Variants in EYS observed in about 807,000 individuals in gnomAD.
The protein encoded by EYS is EGF-like photoreceptor maintenance factor.
A neutral mutation model predicts 282.1 loss-of-function variants in EYS; 250 were observed. The observed-to-expected ratio is 0.89, with a 90% CI of 0.80 to 0.98. The LOEUF (loss-of-function observed/expected upper bound fraction) is 0.98. EYS is among the 50% of genes least tolerant of loss of function. The probability of loss-of-function intolerance (pLI) is 0.00; values close to 1 mark genes in which losing one functional copy is unlikely to be tolerated. For synonymous variants in EYS, 1,355 were observed against 1,282.9 expected, an observed-to-expected ratio of 1.06 and a Z score of -1.20; for missense variants, 4,016 against 3,709.0, an observed-to-expected ratio of 1.08 and a Z score of -2.15.
intron 14 of EYS, among the ~76,000 whole-genome samples, chr6:64,972,738 A>G (rs1329348443): frequency 1.3e-5 from 2 of 152,132 alleles, no homozygotes; most frequent in Non-Finnish European, 2.9e-5. Flanking sequence ...GGCTATTAGT[A>G]ATTGTTTGAG....
At chr6:64,088,624 G>A (rs1046269545) in intron 31 of EYS, among the ~76,000 whole-genome samples, 1 of 151,880 alleles carries the variant, frequency 6.6e-6, no homozygotes, top group Non-Finnish European at 1.5e-5. Context: ...TAAAAGTATG[G>A]ATTATCATTT....
intron 28 of EYS, among the ~76,000 whole-genome samples, chr6:64,390,086 C>T (rs555736971): frequency 8.8e-4 from 134 of 152,202 alleles, no homozygotes; most frequent in African/African-American, 3.0e-3. Context: ...AACGGCACAT[C>T]ACGAGATTAT....
chr6:65,405,107 T>C (rs1766670226), intron 6 of EYS, 67 bp downstream of exon 6: 2 of 1,082,444 alleles, frequency 1.8e-6, no homozygotes, highest in Admixed American at 1.9e-5. Flanking sequence ...ATTTATTCTT[T>C]TCAAATTGCT....
Position 64,693,928 on chromosome 6 carries a change from A to G in EYS, c.3444-67683T>C, listed in dbSNP as rs1481266291. Among the ~76,000 whole-genome samples the G allele has an allele frequency of 1.2e-4, 18 of 152,146 alleles. 1 individual carries two copies. The highest frequency in any genetic ancestry group is 1.2e-3 in the Admixed American group (18 of 15,266). On this transcript the variant is annotated intron_variant, in intron 22 of 42. Coordinates refer to ENST00000503581, the MANE Select transcript of EYS (RefSeq NM_001142800.2). ...TATGTATTACATTTATACATAAGTG[A>G]TGAAATGATTAAAAGGCAATCAATC...
At chr6:64,504,943 G>T (rs1777165822) in intron 26 of EYS, among the ~76,000 whole-genome samples, 1 of 152,086 alleles carries the variant, frequency 6.6e-6, no homozygotes, top group Non-Finnish European at 1.5e-5. Context: ...AATTTAAGGC[G>T]AACAACATGG....
rs58068362 is a variant in EYS at position 64,945,000 on chromosome 6, A to C, written c.2381+793T>G. Among the ~76,000 whole-genome samples the C allele has an allele frequency of 4.5e-4, 68 of 151,724 alleles. 1 individual carries two copies. The highest frequency in any genetic ancestry group is 1.2e-3 in the Admixed American group (18 of 15,194). On this transcript the variant is annotated intron_variant, in intron 15 of 42. Transcript: ENST00000503581. ...CTCCTTATTATCACCCTGCCCTCCTACTACATTCCTTTTTGCTGAAATAAT... is the reference window on the plus strand; with the variant it reads ...CTCCTTATTATCACCCTGCCCTCCTCCTACATTCCTTTTTGCTGAAATAAT...
At chr6:65,297,348 A>C (rs535638545) in intron 11 of EYS, among the ~76,000 whole-genome samples, 5 of 152,020 alleles carry the variant, frequency 3.3e-5, no homozygotes, top group Non-Finnish European at 7.4e-5. Context: ...AAATTAACCT[A>C]CTGAACCTAA....
At chr6:65,286,517 C>T (rs909639746) in intron 12 of EYS, among the ~76,000 whole-genome samples, 1 of 151,720 alleles carries the variant, frequency 6.6e-6, no homozygotes, top group Non-Finnish European at 1.5e-5. Context: ...CTGTAACCCA[C>T]AGAAATATAC....
Position 65,370,403 on chromosome 6 carries a change from G to A in EYS, c.1299+13983C>T, listed in dbSNP as rs529163372. On this transcript the variant is annotated intron_variant, in intron 8 of 42. Coordinates refer to ENST00000503581, the MANE Select transcript of EYS (RefSeq NM_001142800.2). ...CCCAAGTAGCCAGGACTATGGATGC[G>A]TGCCACCAGATCACACTAATTAAAA... is the stretch of plus-strand genomic sequence containing the variant. 3.2e-4 allele frequency among the ~76,000 whole-genome samples: 46 copies of A among 145,402 alleles called. 2 individuals carry two copies. Among genetic ancestry groups the A allele is most frequent in the African/African-American group, 9.5e-4 (38 of 39,920 alleles).
At chr6:64,774,847 G>T (rs536707105) in intron 22 of EYS, among the ~76,000 whole-genome samples, 3 of 151,896 alleles carry the variant, frequency 2.0e-5, no homozygotes, top group Admixed American at 2.0e-4. Flanking sequence ...CTGACACCTT[G>T]CCTTTTTCTG....
At chr6:65,089,985 AC>A (rs1774507546) in intron 12 of EYS, among the ~76,000 whole-genome samples, 1 of 138,658 alleles carries the variant, frequency 7.2e-6, no homozygotes, top group Admixed American at 7.1e-5. Flanking sequence ...AAATAAATAC[AC>A]ACACACACAC....
At chr6:63,941,752 C>G (rs1765249718) in intron 35 of EYS, among the ~76,000 whole-genome samples, 1 of 152,028 alleles carries the variant, frequency 6.6e-6, no homozygotes, top group Non-Finnish European at 1.5e-5. Context: ...CGGGACTCCC[C>G]TTACCTATAC....
intron 36 of EYS, among the ~76,000 whole-genome samples, chr6:63,833,868 A>T (rs1771720655): frequency 6.6e-6 from 1 of 152,172 alleles, no homozygotes; most frequent in Non-Finnish European, 1.5e-5. Context: ...AGAGATACAG[A>T]CCAATGGAAC....
At chr6:64,024,052 C>G (rs535112046) in intron 33 of EYS, among the ~76,000 whole-genome samples, 149 of 152,330 alleles carry the variant, frequency 9.8e-4, no homozygotes, top group African/African-American at 2.7e-3. Flanking sequence ...CCCGAGCCTC[C>G]CCGATGAGTG....
chr6:64,246,193 C>G (rs984681463), intron 30 of EYS, among the ~76,000 whole-genome samples: 1 of 147,392 alleles, frequency 6.8e-6, no homozygotes, highest in Non-Finnish European at 1.5e-5. Context: ...TTTTTTCCCT[C>G]TCTTTTCTTT....
intron 33 of EYS, among the ~76,000 whole-genome samples, chr6:64,059,923 G>A (rs3013156): frequency 0.12 from 17,889 of 152,040 alleles, 2,087 homozygotes; most frequent in African/African-American, 0.3. Flanking sequence ...GAGTTTTCCT[G>A]CATTTCCTCT....
intron 30 of EYS, among the ~76,000 whole-genome samples, chr6:64,268,943 A>T (rs1370213253): frequency 6.6e-6 from 1 of 152,160 alleles, no homozygotes; most frequent in Non-Finnish European, 1.5e-5. Context: ...TTTGCAAAAG[A>T]TAATTTATAT....
At position 64,260,845 on chromosome 6, in the gene EYS, C is replaced by G. The variant is rs547554731; in HGVS notation, c.6192-30021G>C. On this transcript the variant is annotated intron_variant, in intron 30 of 42. Transcript: ENST00000503581. ...TTTAATTTTTAAAAAATTTTAACTT[C>G]TCTTAACTTTCCAATTTGTATATCT... Among the ~76,000 whole-genome samples, 364 of 151,730 alleles carry G rather than the reference C, an allele frequency of 2.4e-3. 3 individuals carry two copies. The highest frequency in any genetic ancestry group is 2.8e-3 in the Admixed American group (42 of 15,238).
intron 5 of EYS, among the ~76,000 whole-genome samples, chr6:65,450,262 G>A (rs561257517): frequency 6.6e-5 from 10 of 152,164 alleles, no homozygotes; most frequent in East Asian, 1.9e-4. Flanking sequence ...ATTCTGCCAC[G>A]TCTGTTCCAT....
Sources: allele counts gnomAD v4.1 joint callset (sites outside exome capture counted in the v4.1 genomes callset), GRCh38; gene constraint gnomAD v4.1.1; transcripts MANE v1.5; gene names NCBI Gene and HGNC (gene_info 2026-07-23, HGNC 2026-07-21).